Variants in KCTD8 observed in about 807,000 individuals in gnomAD.
The protein encoded by KCTD8 is potassium channel tetramerization domain containing 8, also known as BTB/POZ domain-containing protein KCTD8.
A neutral mutation model predicts 31.5 loss-of-function variants in KCTD8; 27 were observed. That is an observed-to-expected ratio of 0.86 (90% confidence interval 0.63 to 1.18). KCTD8 has a LOEUF of 1.18. KCTD8 is among the 50% of genes most tolerant of loss of function. The pLI, the probability that KCTD8 is intolerant of heterozygous loss-of-function variation, is 0.00. For missense variants in KCTD8, 658 were observed against 647.7 expected (o/e 1.02, Z -0.17); for synonymous variants, 290 against 280.0 (o/e 1.04, Z -0.36).
At chr4:44,323,103 C>A (rs1718341425) in intron 1 of KCTD8, among the ~76,000 whole-genome samples, 1 of 151,934 alleles carries the variant, frequency 6.6e-6, no homozygotes, top group Non-Finnish European at 1.5e-5. Context: ...TTTAAGATGA[C>A]CTTTTTCTAT....
chr4:44,408,726 C>A (rs1489764688), intron 1 of KCTD8, among the ~76,000 whole-genome samples: 1 of 152,066 alleles, frequency 6.6e-6, no homozygotes, highest in Non-Finnish European at 1.5e-5. Context: ...TCCAGCAATT[C>A]CTCTGCCTCA....
intron 1 of KCTD8, among the ~76,000 whole-genome samples, chr4:44,303,337 T>A (rs11728513): frequency 0.23 from 35,044 of 151,830 alleles, 4,778 homozygotes; most frequent in Non-Finnish European, 0.31. Context: ...CGGCTGTGAA[T>A]CCATCTGGTC....
intron 1 of KCTD8, among the ~76,000 whole-genome samples, chr4:44,185,311 G>T (rs779407188): frequency 6.6e-6 from 1 of 152,096 alleles, no homozygotes; most frequent in Non-Finnish European, 1.5e-5. Flanking sequence ...CCTATGACAG[G>T]TTTCTTATTA....
chr4:44,316,816 A>AAAAAAAAAAAAAT (rs1718129751), intron 1 of KCTD8, among the ~76,000 whole-genome samples: 1 of 148,060 alleles, frequency 6.8e-6, no homozygotes, highest in Non-Finnish European at 1.5e-5. Context: ...AAAAAAAAAA[A>AAAAAAAAAAAAAT]AAAAAAAGAA....
chr4:44,322,767 T>C (rs1718329506), intron 1 of KCTD8, among the ~76,000 whole-genome samples: 1 of 152,078 alleles, frequency 6.6e-6, no homozygotes, highest in Admixed American at 6.5e-5. Context: ...TTTTTGTATA[T>C]GTTGAAAGAT....
At chr4:44,304,225 G>GA (rs1240311395) in intron 1 of KCTD8, among the ~76,000 whole-genome samples, 1 of 151,962 alleles carries the variant, frequency 6.6e-6, no homozygotes, top group Admixed American at 6.6e-5. Flanking sequence ...ACAAAATGAA[G>GA]AAAAATAGGT....
intron 1 of KCTD8, among the ~76,000 whole-genome samples, chr4:44,242,870 C>G (rs1478634996): frequency 6.6e-6 from 1 of 151,970 alleles, no homozygotes; most frequent in East Asian, 1.9e-4. Context: ...CTTCTGCTCC[C>G]TCTCTGTCTT....
Position 44,218,124 on chromosome 4 carries a change from CTTTTTTTTTTTTT to C in KCTD8, c.962-42887_962-42875del, listed in dbSNP as rs570521203. 1.9e-3 allele frequency among the ~76,000 whole-genome samples: 175 copies of C among 91,542 alleles called. 1 individual carries two copies. Among genetic ancestry groups the C allele is most frequent in the African/African-American group, 8.5e-3 (168 of 19,690 alleles). 60.1% of individuals were successfully genotyped at this position (91,542 alleles called of 152,430 possible). On this transcript the variant is annotated intron_variant, in intron 1 of 1. Transcript: ENST00000360029. ...GTAACACTGTACATTTTAAAATGTC[CTTTTTTTTTTTTT>C]TTTTTTTTTTTTTTGAGATGGCGTC...
chr4:44,326,815 C>T (rs1718453806), intron 1 of KCTD8, among the ~76,000 whole-genome samples: 1 of 151,810 alleles, frequency 6.6e-6, no homozygotes, highest in South Asian at 2.1e-4. Context: ...AAATCGTTTT[C>T]CAGAAAGATT....
At chr4:44,332,504 T>G (rs531554200) in intron 1 of KCTD8, among the ~76,000 whole-genome samples, 3 of 152,132 alleles carry the variant, frequency 2.0e-5, no homozygotes, top group Middle Eastern at 3.4e-3. Flanking sequence ...TCTCCATAGA[T>G]TCATACAAGA....
At chr4:44,219,574 C>T (rs577641112) in intron 1 of KCTD8, among the ~76,000 whole-genome samples, 7 of 152,248 alleles carry the variant, frequency 4.6e-5, no homozygotes, top group East Asian at 1.9e-4. Context: ...CAAGGACTGA[C>T]GGCTGCCACC....
chr4:44,390,301 T>C (rs1378533898), intron 1 of KCTD8, among the ~76,000 whole-genome samples: 1 of 151,992 alleles, frequency 6.6e-6, no homozygotes, highest in African/African-American at 2.4e-5. Context: ...CCATCTTGAG[T>C]TGATTTTTTT....
intron 1 of KCTD8, among the ~76,000 whole-genome samples, chr4:44,185,191 G>C (rs1713547729): frequency 6.6e-6 from 1 of 152,014 alleles, no homozygotes; most frequent in African/African-American, 2.4e-5. Context: ...TTCACCTTTG[G>C]CTATCCAATG....
chr4:44,175,573 G>T (rs1713190073), intron 1 of KCTD8, among the ~76,000 whole-genome samples: 1 of 151,908 alleles, frequency 6.6e-6, no homozygotes, highest in Admixed American at 6.6e-5. Context: ...CTAGTTCCTG[G>T]AATATAAAAA....
intron 1 of KCTD8, among the ~76,000 whole-genome samples, chr4:44,240,986 A>AGTG (rs1715442518): frequency 3.3e-5 from 5 of 152,222 alleles, no homozygotes; most frequent in African/African-American, 9.6e-5. Flanking sequence ...AGAATCACAG[A>AGTG]TGGTTTTGAG....
chr4:44,257,874 A>G (rs911193472), intron 1 of KCTD8, among the ~76,000 whole-genome samples: 1 of 151,962 alleles, frequency 6.6e-6, no homozygotes, highest in African/African-American at 2.4e-5. Context: ...CGTTGACTTG[A>G]ATTCCCATTT....
chr4:44,356,831 T>C lies in KCTD8; in HGVS notation c.961+90732A>G, dbSNP rs148298087. On this transcript the variant is annotated intron_variant, in intron 1 of 1. Transcript: ENST00000360029. ...TACAATTTATGTCATCCAAATTCCA[T>C]TTCTGTCTCAGACACCTGCTGTCCA... Among the ~76,000 whole-genome samples the C allele has an allele frequency of 5.5e-3, 841 of 152,278 alleles. 13 individuals carry two copies. The highest frequency in any genetic ancestry group is 0.019 in the African/African-American group (784 of 41,558).
At chr4:44,257,934 A>C (rs532690443) in intron 1 of KCTD8, among the ~76,000 whole-genome samples, 2 of 152,136 alleles carry the variant, frequency 1.3e-5, no homozygotes, top group African/African-American at 4.8e-5. Flanking sequence ...ATTCATGGAC[A>C]GCCTCATTCT....
At chr4:44,281,430 C>G (rs967870019) in intron 1 of KCTD8, among the ~76,000 whole-genome samples, 1 of 152,056 alleles carries the variant, frequency 6.6e-6, no homozygotes, top group Non-Finnish European at 1.5e-5. Context: ...TTAAGTCATA[C>G]ATGACTAAAG....
Sources: gnomAD v4.1 joint callset for allele counts (sites outside exome capture counted in the v4.1 genomes callset) on GRCh38, gnomAD v4.1.1 for gene constraint, MANE v1.5 for transcripts, NCBI Gene and HGNC (gene_info 2026-07-23, HGNC 2026-07-21) for gene names.